EGFLAM: variants seen among roughly 807,000 people sequenced by gnomAD.
The protein encoded by EGFLAM is pikachurin.
In EGFLAM, 79 loss-of-function variants were observed where a neutral mutation model predicts 113.1. That is an observed-to-expected ratio of 0.70 (90% CI 0.58 to 0.84). The LOEUF (loss-of-function observed/expected upper bound fraction) is 0.84, where lower values mean the gene tolerates loss of function less well. Ranked by LOEUF, EGFLAM falls within the 40% of genes least tolerant of loss-of-function variation. EGFLAM has a pLI of 0.00. For missense variants in EGFLAM, 1,265 were observed against 1,291.6 expected, an observed-to-expected ratio of 0.98 and a Z score of 0.32; for synonymous variants, 504 against 487.6, an observed-to-expected ratio of 1.03 and a Z score of -0.44.
intron 6 of EGFLAM, among the ~76,000 whole-genome samples, chr5:38,381,167 C>T (rs1740501931): frequency 6.6e-6 from 1 of 152,088 alleles, no homozygotes; most frequent in African/African-American, 2.4e-5. Flanking sequence ...GTTCTCTTTC[C>T]TTCACATTCA....
chr5:38,325,880 T>G (rs1031918830), intron 1 of EGFLAM, among the ~76,000 whole-genome samples: 3 of 152,094 alleles, frequency 2.0e-5, no homozygotes, highest in Admixed American at 6.6e-5. Context: ...TTTATTTACC[T>G]TTATTTTCTT....
chr5:38,398,789 A>G (rs1231963412), intron 6 of EGFLAM, among the ~76,000 whole-genome samples: 1 of 152,240 alleles, frequency 6.6e-6, no homozygotes, highest in Non-Finnish European at 1.5e-5. Context: ...TATTCCGTCT[A>G]ACCAACCAAT....
In EGFLAM at chr5:38,258,762, T is replaced by C. The variant is rs1561251902; in HGVS notation, c.8T>C (p.Leu3Ser). MD[L>S]IRGVLLRLLL... ...GCAGGCGCCGGCTGCGAAATGGATT[T>C]AATCCGAGGCGTCTTGCTCCGGCTC... Residue 3 changes from leucine to serine, a missense_variant, in exon 1 of 22, where the codon TTA becomes TCA. Leu to Ser is a moderately radical substitution (Grantham distance 145, BLOSUM62 -2). Transcript: ENST00000322350. 6.2e-7 allele frequency: 1 copy of C among 1,610,410 alleles called. No individual in the cohort carries two copies. Among genetic ancestry groups the C allele is most frequent in the Non-Finnish European group, 8.5e-7 (1 of 1,178,738 alleles).
At chr5:38,327,872 A>G (rs936638769) in intron 1 of EGFLAM, among the ~76,000 whole-genome samples, 2 of 152,212 alleles carry the variant, frequency 1.3e-5, no homozygotes, top group African/African-American at 4.8e-5. Flanking sequence ...CCAATTCAAG[A>G]TACCACAAGT....
intron 1 of EGFLAM, among the ~76,000 whole-genome samples, chr5:38,308,241 AGC>A (rs1309710984): frequency 7.2e-5 from 11 of 152,376 alleles, no homozygotes; most frequent in Admixed American, 7.2e-4. Flanking sequence ...TTTTAAAATC[AGC>A]CAGGCCTACT....
In EGFLAM at chr5:38,425,022, C is replaced by A; in HGVS notation, c.1740C>A (p.Cys580Ter). ...CCTCGTGCATCCATGGTGGCACCTGCACAGCAATCAAAGCCGACTCCTACA... is the reference window on the plus strand; with the variant it reads ...CCTCGTGCATCCATGGTGGCACCTGAACAGCAATCAAAGCCGACTCCTACA... ...DEASCIHGGT[C>*]TAIKADSYIC... The change falls in exon 13 of 22, where the codon TGC becomes TGA. Residue 580 changes from cysteine (C) to a stop codon, truncating the protein, a stop_gained. Transcript: ENST00000322350. LOFTEE classifies it high-confidence loss of function. The A allele has an allele frequency of 6.2e-7, 1 of 1,614,040 alleles. No individual in the cohort carries two copies. Among genetic ancestry groups the A allele is most frequent in the Non-Finnish European group, 8.5e-7 (1 of 1,179,984 alleles).
intron 5 of EGFLAM, among the ~76,000 whole-genome samples, chr5:38,365,673 G>A (rs905549392): frequency 3.3e-5 from 5 of 152,052 alleles, no homozygotes; most frequent in Admixed American, 6.5e-5. Flanking sequence ...GAAAGGAAAA[G>A]GAGAGAAAGA....
intron 17 of EGFLAM, chr5:38,445,768 C>G (rs1742688019): frequency 6.5e-7 from 1 of 1,531,770 alleles, no homozygotes; most frequent in Non-Finnish European, 8.9e-7. Context: ...CAACCGCATG[C>G]AGGGGGACCC....
In EGFLAM at chr5:38,438,260, T is replaced by C. The variant is rs1222483300; in HGVS notation, c.2284-15T>C. On this transcript the variant is annotated splice_polypyrimidine_tract_variant and intron_variant, in intron 16 of 21. Coordinates refer to ENST00000322350, the MANE Select transcript of EGFLAM (RefSeq NM_152403.4). ...TTCTTAATTCCTGAATTTCTTTATG[T>C]TTTTCTCTCTCAAGATCATCCTGAA... 2 of 1,599,466 alleles carry C rather than the reference T, an allele frequency of 1.3e-6. No individual in the cohort carries two copies. Among genetic ancestry groups the C allele is most frequent in the Admixed American group, 3.4e-5 (2 of 58,468 alleles).
intron 6 of EGFLAM, among the ~76,000 whole-genome samples, chr5:38,382,415 G>A (rs1740534149): frequency 6.6e-6 from 1 of 152,110 alleles, no homozygotes; most frequent in South Asian, 2.1e-4. Context: ...TTGCTTCACT[G>A]GTGTAAACAA....
chr5:38,418,387 C>A, intron 12 of EGFLAM, 132 bp downstream of exon 12: 2 of 1,188,000 alleles, frequency 1.7e-6, no homozygotes, highest in Non-Finnish European at 1.2e-6. Flanking sequence ...TTCAGAACAT[C>A]AGGAGGGAGG....
chr5:38,424,174 G>A (rs567285810), intron 12 of EGFLAM, among the ~76,000 whole-genome samples: 173 of 152,306 alleles, frequency 1.1e-3, no homozygotes, highest in Middle Eastern at 6.8e-3. Context: ...ACACAAAGAA[G>A]CAGAAGAAAA....
At chr5:38,422,639 A>G (rs756878782) in intron 12 of EGFLAM, among the ~76,000 whole-genome samples, 2 of 152,232 alleles carry the variant, frequency 1.3e-5, no homozygotes, top group Non-Finnish European at 2.9e-5. Context: ...TATAAAGCAT[A>G]TTAAGAACAG....
chr5:38,444,225 A>G (rs1295144077), intron 17 of EGFLAM, among the ~76,000 whole-genome samples: 1 of 152,230 alleles, frequency 6.6e-6, no homozygotes, highest in Non-Finnish European at 1.5e-5. Context: ...AAATGTAAGA[A>G]AATGAAAAAA....
rs554425075 is a variant in EGFLAM, at chr5:38,310,776, C to T, written c.98-26744C>T. 1.6e-3 allele frequency among the ~76,000 whole-genome samples: 242 copies of T among 152,256 alleles called. 1 individual carries two copies. The highest frequency in any genetic ancestry group is 4.5e-3 in the African/African-American group (187 of 41,548). On this transcript the variant is annotated intron_variant, in intron 1 of 21. Transcript: ENST00000322350. ...TAGATCTTTCTAAAGATTCTTGTTT[C>T]GCAGGCACTTGACCTGACACGCCAC...
At chr5:38,325,346 T>A (rs1384463707) in intron 1 of EGFLAM, among the ~76,000 whole-genome samples, 4 of 152,234 alleles carry the variant, frequency 2.6e-5, no homozygotes, top group African/African-American at 4.8e-5. Context: ...TGAAGACACA[T>A]ACTTACTACT....
chr5:38,374,260 T>C (rs1049064688), intron 6 of EGFLAM, among the ~76,000 whole-genome samples: 1 of 152,108 alleles, frequency 6.6e-6, no homozygotes, highest in Non-Finnish European at 1.5e-5. Flanking sequence ...ACAGGGGAAT[T>C]GCAATGGAGA....
intron 1 of EGFLAM, among the ~76,000 whole-genome samples, chr5:38,335,829 T>C (rs1427635374): frequency 6.6e-6 from 1 of 152,216 alleles, no homozygotes; most frequent in Non-Finnish European, 1.5e-5. Context: ...GTCCATTAAA[T>C]AGATACATTA....
intron 1 of EGFLAM, among the ~76,000 whole-genome samples, chr5:38,328,575 G>A (rs1579778382): frequency 6.6e-6 from 1 of 152,144 alleles, no homozygotes; most frequent in East Asian, 1.9e-4. Context: ...TTCGAGAGTA[G>A]TGCATTCATG....
Sources: allele counts gnomAD v4.1 joint callset (sites outside exome capture counted in the v4.1 genomes callset), GRCh38; gene constraint gnomAD v4.1.1; transcripts MANE v1.5; gene names NCBI Gene and HGNC (gene_info 2026-07-23, HGNC 2026-07-21).